Variants in EXOC4 observed in about 807,000 individuals in gnomAD.
EXOC4 encodes SEC8-like 1.
EXOC4 carries 71 observed loss-of-function variants against 107.2 expected under a neutral mutation model. The ratio of observed to expected loss-of-function variants is 0.66; its 90% confidence interval spans 0.55 to 0.81. The LOEUF (loss-of-function observed/expected upper bound fraction) is 0.81. Among genes scored for constraint, EXOC4 ranks in the 30% least tolerant of loss-of-function variants. EXOC4 has a pLI of 0.00. For missense variants in EXOC4, 1,108 were observed against 1,189.6 expected (o/e 0.93, Z 1.01); for synonymous variants, 456 against 441.2 (o/e 1.03, Z -0.42).
chr7:133,843,676 G>A (rs551973213), intron 11 of EXOC4, among the ~76,000 whole-genome samples: 1 of 152,022 alleles, frequency 6.6e-6, no homozygotes, highest in South Asian at 2.1e-4. Context: ...TCTGATTGCT[G>A]TGTCCAGGAC....
the EXOC4 span, among the ~76,000 whole-genome samples, chr7:134,078,836 G>A: frequency 1.8e-3 from 272 of 152,020 alleles, no homozygotes; most frequent in African/African-American, 6.3e-3. Context: ...TATTTTCATA[G>A]GGGATATAGA....
At chr7:133,731,966 A>C (rs758637597) in intron 10 of EXOC4, among the ~76,000 whole-genome samples, 10 of 152,206 alleles carry the variant, frequency 6.6e-5, no homozygotes, top group Admixed American at 1.3e-4. Context: ...AACGTAAATC[A>C]TTCTGTTATA....
chr7:133,672,844 C>A (rs1170062270), intron 10 of EXOC4, among the ~76,000 whole-genome samples: 5 of 152,182 alleles, frequency 3.3e-5, no homozygotes, highest in African/African-American at 1.2e-4. Flanking sequence ...TCTTTGAAAC[C>A]CAGTCTTATC....
intron 10 of EXOC4, among the ~76,000 whole-genome samples, chr7:133,736,744 A>C (rs2151123554): frequency 6.6e-6 from 1 of 152,102 alleles, no homozygotes; most frequent in Non-Finnish European, 1.5e-5. Flanking sequence ...CCAATTATTA[A>C]CCTGGGTAGT....
chr7:133,402,678 A>AT (rs1357497597), intron 7 of EXOC4, among the ~76,000 whole-genome samples: 1 of 151,504 alleles, frequency 6.6e-6, no homozygotes, highest in East Asian at 2.0e-4. Flanking sequence ...TTGTTTTTGT[A>AT]TTTTTAGCAG....
intron 10 of EXOC4, among the ~76,000 whole-genome samples, chr7:133,805,123 A>G (rs935283413): frequency 1.4e-4 from 21 of 152,240 alleles, no homozygotes; most frequent in African/African-American, 5.1e-4. Context: ...TAAAAGAGAA[A>G]AACAGGTAGA....
intron 9 of EXOC4, among the ~76,000 whole-genome samples, chr7:133,605,804 A>G (rs1440281897): frequency 6.6e-6 from 1 of 152,170 alleles, no homozygotes; most frequent in Non-Finnish European, 1.5e-5. Flanking sequence ...TAAAGCCACC[A>G]GGTTAAATGA....
chr7:133,972,408 T>G (rs1306936221), intron 14 of EXOC4, among the ~76,000 whole-genome samples: 1 of 152,218 alleles, frequency 6.6e-6, no homozygotes, highest in African/African-American at 2.4e-5. Flanking sequence ...CAAAGGTGTC[T>G]TTTCTTCTGA....
chr7:133,772,122 A>G (rs573500821), intron 10 of EXOC4, among the ~76,000 whole-genome samples: 27 of 152,016 alleles, frequency 1.8e-4, no homozygotes, highest in East Asian at 5.8e-4. Flanking sequence ...TCGGTTGCCA[A>G]AATTAACTGT....
intron 4 of EXOC4, 83 bp from the exon 5 acceptor site, chr7:133,317,199 CAA>C: frequency 1.1e-6 from 1 of 887,136 alleles, no homozygotes; most frequent in Middle Eastern, 2.3e-4. Flanking sequence ...ATGACAAAAA[CAA>C]AAGTGGTAAG....
In EXOC4 at chr7:133,895,593, T is replaced by C. The variant is rs774826055; in HGVS notation, c.1735-6T>C. The C allele has an allele frequency of 9.9e-6, 16 of 1,613,590 alleles. No individual in the cohort carries two copies. Among genetic ancestry groups the C allele is most frequent in the Non-Finnish European group, 1.4e-5 (16 of 1,179,654 alleles). ...CTCATATCCTCTCTTTGTTGTTCATTTCCAGAGCACAATCATTGTGGAGAA... is the reference window on the plus strand; with the variant it reads ...CTCATATCCTCTCTTTGTTGTTCATCTCCAGAGCACAATCATTGTGGAGAA... On this transcript the variant is annotated splice_polypyrimidine_tract_variant and splice_region_variant and intron_variant, in intron 11 of 17. Transcript: ENST00000253861.
chr7:134,053,705 G>A (rs541080449), intron 17 of EXOC4, among the ~76,000 whole-genome samples: 31 of 151,720 alleles, frequency 2.0e-4, no homozygotes, highest in Middle Eastern at 3.4e-3. Flanking sequence ...AAAATAAGGT[G>A]GTCAGGGAAA....
intron 10 of EXOC4, among the ~76,000 whole-genome samples, chr7:133,808,972 T>G (rs1409803505): frequency 6.9e-6 from 1 of 145,830 alleles, no homozygotes; most frequent in Non-Finnish European, 1.5e-5. Context: ...TCATTCTCAT[T>G]CTGGGTCCAA....
intron 10 of EXOC4, among the ~76,000 whole-genome samples, chr7:133,805,520 AG>A (rs1480002457): frequency 6.6e-6 from 1 of 152,226 alleles, no homozygotes; most frequent in African/African-American, 2.4e-5. Flanking sequence ...TAAAACTAGT[AG>A]GGAAGACAGA....
intron 10 of EXOC4, among the ~76,000 whole-genome samples, chr7:133,781,121 A>G (rs190289082): frequency 1.3e-5 from 2 of 152,350 alleles, no homozygotes; most frequent in Non-Finnish European, 2.9e-5. Flanking sequence ...TGACTCTTGG[A>G]TATTATGTCT....
At chr7:133,739,599 T>C (rs1795520729) in intron 10 of EXOC4, among the ~76,000 whole-genome samples, 1 of 152,140 alleles carries the variant, frequency 6.6e-6, no homozygotes, top group African/African-American at 2.4e-5. Context: ...TCATGAAAAG[T>C]TGCTAAGCAG....
intron 9 of EXOC4, among the ~76,000 whole-genome samples, chr7:133,487,970 C>T (rs894228737): frequency 2.6e-5 from 4 of 151,828 alleles, no homozygotes; most frequent in Non-Finnish European, 5.9e-5. Flanking sequence ...ATGAGTTAAG[C>T]CTTGTTAAAA....
chr7:133,550,280 G>C (rs1421367057), intron 9 of EXOC4, among the ~76,000 whole-genome samples: 1 of 152,090 alleles, frequency 6.6e-6, no homozygotes, highest in East Asian at 1.9e-4. Flanking sequence ...GTACATAGTA[G>C]GTACCTTCAA....
At chr7:133,661,984 A>G (rs936584846) in intron 10 of EXOC4, among the ~76,000 whole-genome samples, 12 of 152,130 alleles carry the variant, frequency 7.9e-5, no homozygotes, top group South Asian at 2.1e-4. Context: ...ATATGTGCCA[A>G]TCTCTGTGTT....
Sources: gnomAD v4.1 joint callset for allele counts (sites outside exome capture counted in the v4.1 genomes callset) on GRCh38, gnomAD v4.1.1 for gene constraint, MANE v1.5 for transcripts, NCBI Gene and HGNC (gene_info 2026-07-23, HGNC 2026-07-21) for gene names.